The following PICALM variants were observed in gnomAD, a reference collection of about 807,000 sequenced individuals.
The protein encoded by PICALM is phosphatidylinositol binding clathrin assembly protein, also known as phosphatidylinositol-binding clathrin assembly protein.
Under a neutral mutation model 80.5 loss-of-function variants are expected in PICALM, and 40 were observed. The ratio of observed to expected loss-of-function variants is 0.50; its 90% CI spans 0.39 to 0.65. The LOEUF (loss-of-function observed/expected upper bound fraction) is 0.65, where lower values mean the gene tolerates loss of function less well. Among genes scored for constraint, PICALM ranks in the 30% least tolerant of loss-of-function variants. The probability of loss-of-function intolerance (pLI) is 0.00; values close to 1 mark genes in which losing one functional copy is unlikely to be tolerated. For synonymous variants in PICALM, 288 were observed against 260.3 expected (o/e 1.11, Z -1.02); for missense variants, 676 against 778.9 (o/e 0.87, Z 1.57).
chr11:86,031,057 G>C (rs2095743343), intron 2 of PICALM, among the ~76,000 whole-genome samples: 2 of 152,284 alleles, frequency 1.3e-5, no homozygotes, highest in South Asian at 4.1e-4. Flanking sequence ...ATTTGAGGTA[G>C]CAGTGAGCTA....
At chr11:86,018,267 G>T (rs768499554) in intron 4 of PICALM, among the ~76,000 whole-genome samples, 4 of 152,062 alleles carry the variant, frequency 2.6e-5, no homozygotes, top group Non-Finnish European at 5.9e-5. Flanking sequence ...AAAGGAAGGG[G>T]GAGTGTGCTC....
At chr11:86,055,037 A>G (rs1384070145) in intron 1 of PICALM, among the ~76,000 whole-genome samples, 1 of 152,108 alleles carries the variant, frequency 6.6e-6, no homozygotes, top group Non-Finnish European at 1.5e-5. Context: ...TACCTTTAAA[A>G]AATTGCTTGC....
intron 19 of PICALM, among the ~76,000 whole-genome samples, chr11:85,970,402 C>G (rs956436535): frequency 2.0e-5 from 3 of 152,130 alleles, no homozygotes; most frequent in African/African-American, 7.2e-5. Flanking sequence ...AGCATGGAAT[C>G]GAAGAACTTG....
chr11:85,983,617 A>C (rs936256339), intron 14 of PICALM, among the ~76,000 whole-genome samples: 1 of 152,174 alleles, frequency 6.6e-6, no homozygotes, highest in African/African-American at 2.4e-5. Flanking sequence ...CTACAGAGCT[A>C]AATCTCTTTT....
chr11:85,963,386 G>A (rs2093757023), intron 19 of PICALM, among the ~76,000 whole-genome samples: 1 of 151,872 alleles, frequency 6.6e-6, no homozygotes, highest in African/African-American at 2.4e-5. Flanking sequence ...AAAACAAAAA[G>A]AGCCTTTACC....
chr11:86,003,319 C>T (rs1338324247), intron 9 of PICALM, 47 bp downstream of exon 9: 1 of 1,116,570 alleles, frequency 9.0e-7, no homozygotes. Context: ...TCATCTACTG[C>T]CTCAGAAAAA....
intron 9 of PICALM, among the ~76,000 whole-genome samples, chr11:86,001,606 A>G (rs1324250707): frequency 2.0e-5 from 3 of 152,240 alleles, no homozygotes; most frequent in Non-Finnish European, 4.4e-5. Context: ...AGTAACACGT[A>G]ACGTAAGTCT....
intron 1 of PICALM, among the ~76,000 whole-genome samples, chr11:86,056,632 A>C (rs2096274040): frequency 6.6e-6 from 1 of 152,212 alleles, no homozygotes; most frequent in Non-Finnish European, 1.5e-5. Flanking sequence ...TCAAAAAGTT[A>C]CACAGAATTA....
chr11:85,965,260 C>G (rs948604235), intron 19 of PICALM, among the ~76,000 whole-genome samples: 1 of 152,162 alleles, frequency 6.6e-6, no homozygotes, highest in Non-Finnish European at 1.5e-5. Flanking sequence ...AATCCCAGTA[C>G]GCTGATACTA....
At chr11:85,993,286 C>T (rs1267406375) in intron 12 of PICALM, among the ~76,000 whole-genome samples, 2 of 151,982 alleles carry the variant, frequency 1.3e-5, no homozygotes, top group Admixed American at 6.6e-5. Flanking sequence ...AAGGTCTTGC[C>T]ATGTTGTCCA....
At position 86,012,356 on chromosome 11, in the gene PICALM, C is replaced by T; in HGVS notation, c.583G>A (p.Ala195Thr). Residue 195 changes from alanine to threonine, a missense_variant, in exon 6 of 20, where the codon GCT (alanine) becomes ACT (threonine). By Grantham distance (58) the Ala-to-Thr change is moderately conservative. Around this residue, in one of 2 missense-constraint regions of PICALM, gnomAD observed 285 missense variants for 395.4 expected, o/e 0.72. Coordinates refer to ENST00000393346, the MANE Select transcript of PICALM (RefSeq NM_007166.4). ...TCTTTGAACAGGAGCATGAAGGCAGCATTTATTACCCCATTTGTAAGTTCA... is the reference window on the plus strand; with the variant it reads ...TCTTTGAACAGGAGCATGAAGGCAGTATTTATTACCCCATTTGTAAGTTCA... ...SNELTNGVIN[A>T]AFMLLFKDAI... The T allele has an allele frequency of 1.2e-6, 2 of 1,609,904 alleles. No individual in the cohort carries two copies. Among genetic ancestry groups the T allele is most frequent in the Non-Finnish European group, 1.7e-6 (2 of 1,176,924 alleles).
chr11:86,057,003 G>C (rs147055049), intron 1 of PICALM, among the ~76,000 whole-genome samples: 1 of 152,112 alleles, frequency 6.6e-6, no homozygotes, highest in African/African-American at 2.4e-5. Flanking sequence ...GTTGCAGGGG[G>C]GCCGAGGAGA....
chr11:86,024,080 G>A (rs1208013560), intron 3 of PICALM, among the ~76,000 whole-genome samples: 6 of 151,994 alleles, frequency 3.9e-5, no homozygotes, highest in Admixed American at 1.3e-4. Context: ...AGTGAGCTAC[G>A]ATCATACCAC....
chr11:85,965,523 T>A (rs17744938), intron 19 of PICALM, among the ~76,000 whole-genome samples: 3 of 152,192 alleles, frequency 2.0e-5, no homozygotes, highest in African/African-American at 7.2e-5. Flanking sequence ...TAGTGGTACG[T>A]TGAATCCAGT....
intron 4 of PICALM, among the ~76,000 whole-genome samples, chr11:86,015,312 C>T (rs1261467820): frequency 4.2e-4 from 64 of 152,226 alleles, no homozygotes. Flanking sequence ...AGCAGTTTTA[C>T]CATTTTTTAA....
chr11:86,008,817 G>A (rs999479650), intron 7 of PICALM, among the ~76,000 whole-genome samples: 8 of 151,742 alleles, frequency 5.3e-5, no homozygotes, highest in East Asian at 1.9e-4. Context: ...CTGGCCGGGC[G>A]CGGTGGCTCA....
intron 6 of PICALM, among the ~76,000 whole-genome samples, chr11:86,011,641 A>G (rs2095395592): frequency 1.3e-5 from 2 of 152,194 alleles, no homozygotes; most frequent in South Asian, 4.1e-4. Context: ...GTGAAAAAAT[A>G]AGCCAAATTT....
intron 4 of PICALM, among the ~76,000 whole-genome samples, chr11:86,016,273 C>T (rs1379624759): frequency 1.3e-5 from 2 of 152,136 alleles, no homozygotes; most frequent in African/African-American, 2.4e-5. Flanking sequence ...CCTTACTGCC[C>T]CCAGAAACCA....
At chr11:86,047,556 T>A (rs1256028125) in intron 1 of PICALM, among the ~76,000 whole-genome samples, 1 of 152,230 alleles carries the variant, frequency 6.6e-6, no homozygotes, top group East Asian at 1.9e-4. Flanking sequence ...TCTTATATGA[T>A]GTTACATGAG....
Sources: gnomAD v4.1 joint callset for allele counts (sites outside exome capture counted in the v4.1 genomes callset) on GRCh38, gnomAD v4.1.1 for gene constraint, gnomAD v4.1.1 regional missense constraint, MANE v1.5 for transcripts, NCBI Gene and HGNC (gene_info 2026-07-23, HGNC 2026-07-21) for gene names.